The following TTN variants were observed in gnomAD, a reference collection of about 807,000 sequenced individuals.
TTN encodes the protein connectin.
In TTN, 1,525 loss-of-function variants were observed where a neutral mutation model predicts 3,223.0. The observed-to-expected ratio is 0.47, with a 90% confidence interval of 0.45 to 0.49. TTN has a LOEUF of 0.49. Ranked by LOEUF, TTN falls within the 20% of genes least tolerant of loss-of-function variation. The pLI is 0.00. For missense variants in TTN, 40,786 were observed against 43,424.0 expected (o/e 0.94, Z 5.40); for synonymous variants, 14,094 against 15,161.0 (o/e 0.93, Z 5.17).
Position 178,530,017 on chromosome 2 carries a change from A to C in TTN, c.106474T>G (p.Cys35492Gly). 6.2e-7 allele frequency: 1 copy of C among 1,608,564 alleles called. No homozygotes were observed. The highest frequency in any genetic ancestry group is 8.5e-7 in the Non-Finnish European group (1 of 1,178,668). ...TDTSDSGLYT[C>G]TVKNSAGSVS... is the part of the protein sequence containing the mutation. The stretch of plus-strand genomic sequence containing the variant: ...GATCCAGCTGAATTTTTTACTGTAC[A>C]AGTATAAAGTCCACTGTCAGAAGTA... The change falls in exon 359 of 363, where the codon TGT becomes GGT. Residue 35492 changes from cysteine to glycine, a missense_variant. By Grantham distance (159) the Cys-to-Gly change is radical. Coordinates refer to ENST00000589042, the MANE Select transcript of TTN (RefSeq NM_001267550.2).
In TTN at chr2:178,689,390, G is replaced by C; in HGVS notation, c.31928-17C>G. The C allele has an allele frequency of 6.2e-7, 1 of 1,612,936 alleles. No individual in the cohort carries two copies. The highest frequency in any genetic ancestry group is 8.5e-7 in the Non-Finnish European group (1 of 1,179,512). ...TTTCTGGCACTTAAAGGATAGTATTGAATTTTAAAATTTGTCAAAAAGGCC... is the reference window on the plus strand; with the variant it reads ...TTTCTGGCACTTAAAGGATAGTATTCAATTTTAAAATTTGTCAAAAAGGCC... On this transcript the variant is annotated splice_polypyrimidine_tract_variant and intron_variant, in intron 123 of 362. Transcript: ENST00000589042.
In TTN at chr2:178,780,216, AG is replaced by A. The variant is rs1450600737; in HGVS notation, c.3524-12del. ...GTAACTCATAATCAGCTAAGAGTTA[AG>A]AACATCAGTTAATTTTTAATGCTCT... On this transcript the variant is annotated splice_polypyrimidine_tract_variant and intron_variant, in intron 21 of 362. Coordinates refer to ENST00000589042, the MANE Select transcript of TTN (RefSeq NM_001267550.2). 6.2e-7 allele frequency: 1 copy of A among 1,602,406 alleles called. No individual in the cohort carries two copies.
intron 73 of TTN, 50 bp from the exon 74 acceptor site, chr2:178,723,746 G>C (rs767858204): frequency 1.3e-6 from 2 of 1,528,732 alleles, no homozygotes; most frequent in East Asian, 4.5e-5. Context: ...TTCAGATGGA[G>C]TTGCAATTTT....
Position 178,536,926 on chromosome 2 carries a change from AGTT to A in TTN, c.100171+9_100171+11del, listed in dbSNP as rs1448467408. 9 of 1,580,186 alleles carry A rather than the reference AGTT, an allele frequency of 5.7e-6. No individual in the cohort carries two copies. The East Asian group carries it at 2.0e-4, about 36-fold the overall frequency. ...TTACCATAGGAAGATACAGAAATCA[AGTT>A]GTACTCACCAAATGGACTCTTAATG... is the stretch of plus-strand genomic sequence containing the variant. On this transcript the variant is annotated intron_variant, in intron 356 of 362. Coordinates refer to ENST00000589042, the MANE Select transcript of TTN (RefSeq NM_001267550.2).
In TTN at chr2:178,544,064, C is replaced by A. The variant is rs748483895; in HGVS notation, c.96080G>T (p.Arg32027Met). 2 of 1,613,520 alleles carry A rather than the reference C, an allele frequency of 1.2e-6. No homozygotes were observed. The highest frequency in any genetic ancestry group is 2.2e-5 in the South Asian group (2 of 91,050). Reference protein sequence around the residue: ...ADDLKKTVTIRAGASLRLMVS... With the variant: ...ADDLKKTVTIMAGASLRLMVS... ...CATCAAGCGCAAGGAGGCCCCAGCCCTGATGGTCACAGTCTTCTTTAGATC... is the reference window on the plus strand; with the variant it reads ...CATCAAGCGCAAGGAGGCCCCAGCCATGATGGTCACAGTCTTCTTTAGATC... Residue 32027 changes from arginine (R) to methionine (M), a missense_variant, in exon 346 of 363, where the codon AGG becomes ATG. Transcript: ENST00000589042.
Position 178,694,658 on chromosome 2 carries a change from T to C in TTN, c.31367A>G (p.Lys10456Arg). 1.9e-6 allele frequency: 3 copies of C among 1,555,390 alleles called. No individual in the cohort carries two copies. In the South Asian group the frequency reaches 3.6e-5, roughly 19 times the overall value. ...CCGGGAAGGTTTTTGTGGAACAATC[T>C]TCTTTGAAACTTCAGGTACTTTAAA... ...QVTKVPEVSK[K>R]IVPQKPSRTP... Residue 10456 changes from lysine to arginine, a missense_variant, in exon 117 of 363, where the codon AAG (lysine) becomes AGG (arginine). Transcript: ENST00000589042.
At chr2:178,615,094 C>T in intron 259 of TTN, 126 bp from the exon 260 acceptor site, 1 of 1,012,740 alleles carries the variant, frequency 9.9e-7, no homozygotes, top group Non-Finnish European at 1.4e-6. Context: ...ACCTGGATTA[C>T]TTCAACACTA....
rs61060584 is a variant in TTN at position 178,677,335 on chromosome 2, CATATATATAT to C, written c.34292-58_34292-49del. The stretch of plus-strand genomic sequence containing the variant: ...GCATTAAAAACCACATATACATGGT[CATATATATAT>C]ATATATATATATATATGAAAGAGAC... On this transcript the variant is annotated intron_variant, in intron 146 of 362. Transcript: ENST00000589042. The C allele has an allele frequency of 3.4e-4, 85 of 251,860 alleles. 6 individuals carry two copies. Among genetic ancestry groups the C allele is most frequent in the South Asian group, 1.2e-3 (5 of 4,150 alleles). The allele number at this position is 251,860 out of a possible 1,614,324, so 15.6% of individuals were successfully genotyped here. A position where few individuals can be genotyped will look rare whatever the true frequency, so the allele number is the denominator to read the frequency against.
In TTN at chr2:178,711,590, G is replaced by T. The variant is rs897796146; in HGVS notation, c.27887-241C>A. On this transcript the variant is annotated intron_variant, in intron 96 of 362. Coordinates refer to ENST00000589042, the MANE Select transcript of TTN (RefSeq NM_001267550.2). ...AGTATGAAAACCAATAAAGCAATTG[G>T]TTGGCTGAAGGCATGTCTCTGGGCA... 3.9e-5 allele frequency among the ~76,000 whole-genome samples: 6 copies of T among 152,150 alleles called. No homozygotes were observed. The East Asian group carries it at 1.2e-3, about 29-fold the overall frequency.
chr2:178,674,510 T>C (rs2154266520), intron 150 of TTN, 101 bp from the exon 151 acceptor site: 1 of 657,892 alleles, frequency 1.5e-6, no homozygotes, highest in Non-Finnish European at 2.4e-6. Context: ...GAAACGCTTG[T>C]GTAAACTCAC....
At chr2:178,760,065 A>G (rs1226662920) in intron 43 of TTN, among the ~76,000 whole-genome samples, 1 of 152,236 alleles carries the variant, frequency 6.6e-6, no homozygotes, top group African/African-American at 2.4e-5. Flanking sequence ...TCTCAAAACC[A>G]TCCAAGATGA....
intron 330 of TTN, chr2:178,555,563 T>C (rs901238446): frequency 2.3e-5 from 4 of 177,136 alleles, no homozygotes; most frequent in Non-Finnish European, 4.6e-5. Context: ...GTGTGGATGG[T>C]TCATGTCAGA....
Position 178,733,104 on chromosome 2 carries a change from A to G in TTN, c.16072T>C (p.Phe5358Leu). The G allele has an allele frequency of 1.3e-6, 2 of 1,596,204 alleles. No homozygotes were observed. Among genetic ancestry groups the G allele is most frequent in the South Asian group, 1.1e-5 (1 of 88,278 alleles). The part of the protein sequence containing the change: ...FTVLDRDIAP[F>L]FTKPLRNVDS... The stretch of plus-strand genomic sequence containing the variant: ...ACGTTGCGCAAGGGTTTGGTAAAAA[A>G]TGGAGCAATGTCTCGATCTGTGTGT... Residue 5358 changes from phenylalanine to leucine, a missense_variant, in exon 55 of 363, where the codon TTT (phenylalanine) becomes CTT (leucine). Physicochemically the swap from Phe to Leu is conservative, Grantham distance 22. Transcript: ENST00000589042.
chr2:178,784,211 C>T lies in TTN; in HGVS notation c.2634G>A (p.Leu878=). 2 of 1,614,182 alleles carry T rather than the reference C, an allele frequency of 1.2e-6. No individual in the cohort carries two copies. The highest frequency in any genetic ancestry group is 1.7e-6 in the Non-Finnish European group (2 of 1,180,014). ...GTGTGTCAGCGAAGGGGAACTGTGGCAAGGGTGTGGGCTCTGCCCTTACTC... is the reference window on the plus strand; with the variant it reads ...GTGTGTCAGCGAAGGGGAACTGTGGTAAGGGTGTGGGCTCTGCCCTTACTC... ...ETRVRAEPTP[L]PQFPFADTPD... The change falls in exon 16 of 363, where the codon TTG becomes TTA. Residue 878 remains leucine (L), a synonymous_variant. Coordinates refer to ENST00000589042, the MANE Select transcript of TTN (RefSeq NM_001267550.2).
At chr2:178,749,009 T>G in intron 47 of TTN, 1 of 1,612,544 alleles carries the variant, frequency 6.2e-7, no homozygotes. Context: ...ATGTAATTTT[T>G]CAAATTCGAT....
At position 178,807,411 on chromosome 2, in the gene TTN, T is replaced by G. The variant is rs2094358672; in HGVS notation, c.-213A>C. 6.6e-6 allele frequency: 1 copy of G among 152,224 alleles called. No homozygotes were observed. The highest frequency in any genetic ancestry group is 2.4e-5 in the African/African-American group (1 of 41,460). The allele number at this position is 152,224 out of a possible 1,614,324, so 9.4% of individuals were successfully genotyped here. A position where few individuals can be genotyped will look rare whatever the true frequency, so the allele number is the denominator to read the frequency against. ...CCTACACCCGAGGCGAGGCTGGGAA[T>G]GCACGACTGCTCAAGAGCCAGGGTC... On this transcript the variant is annotated 5_prime_UTR_variant, in exon 1 of 363. Coordinates refer to ENST00000589042, the MANE Select transcript of TTN (RefSeq NM_001267550.2).
chr2:178,575,978 A>G lies in TTN; in HGVS notation c.70154T>C (p.Leu23385Pro), dbSNP rs747995899. ...ATTTTCAATGTTGGCTCGGTTTTTCAGGTTGATGTTATCTTTGGTCCATGT... is the reference window on the plus strand; with the variant it reads ...ATTTTCAATGTTGGCTCGGTTTTTCGGGTTGATGTTATCTTTGGTCCATGT... ...EVTWTKDNIN[L>P]KNRANIENTE... Residue 23385 changes from leucine to proline, a missense_variant, in exon 326 of 363, where the codon CTG becomes CCG. Physicochemically the swap from Leu to Pro is moderately conservative, Grantham distance 98. Transcript: ENST00000589042. This position sits in a 1 kb window ranked among gnomAD's most constrained non-coding sequence, Gnocchi z 4.0. The G allele has an allele frequency of 2.5e-6, 4 of 1,611,386 alleles. No homozygotes were observed. The South Asian group carries it at 4.4e-5, about 18-fold the overall frequency.
chr2:178,533,299 G>A lies in TTN; in HGVS notation c.103316C>T (p.Thr34439Ile). ...EDTGYYRVTA[T>I]NTAGSTSCQA... ...GCAGCTGGTGGACCCAGCTGTGTTA[G>A]TGGCTGTGACTCTATAATAACCCGT... Residue 34439 changes from threonine (T) to isoleucine (I), a missense_variant, in exon 358 of 363, where the codon ACT (threonine) becomes ATT (isoleucine). By Grantham distance (89) the Thr-to-Ile change is moderately conservative (BLOSUM62 -1). Coordinates refer to ENST00000589042, the MANE Select transcript of TTN (RefSeq NM_001267550.2). The A allele has an allele frequency of 6.2e-7, 1 of 1,613,956 alleles. No individual in the cohort carries two copies. Among genetic ancestry groups the A allele is most frequent in the Non-Finnish European group, 8.5e-7 (1 of 1,179,876 alleles).
Position 178,570,622 on chromosome 2 carries a change from A to G in TTN, c.75510T>C (p.Ser25170=), listed in dbSNP as rs775835843. 4 of 1,613,430 alleles carry G rather than the reference A, an allele frequency of 2.5e-6. No homozygotes were observed. The highest frequency in any genetic ancestry group is 1.7e-5 in the Admixed American group (1 of 59,966). The part of the protein sequence containing the change: ...IKSTDFATSL[S]VKDAVRVDSG... ...TGTCGACACGTACTGCATCTTTTAC[A>G]CTGAGACTGGTGGCAAAGTCGGTGC... Residue 25170 remains serine (S), a synonymous_variant, in exon 326 of 363, where the codon AGT becomes AGC. Coordinates refer to ENST00000589042, the MANE Select transcript of TTN (RefSeq NM_001267550.2).
Sources: allele counts gnomAD v4.1 joint callset (sites outside exome capture counted in the v4.1 genomes callset), GRCh38; gene constraint gnomAD v4.1.1; non-coding constraint Gnocchi (gnomAD v3.1); transcripts MANE v1.5; gene names NCBI Gene and HGNC (gene_info 2026-07-23, HGNC 2026-07-21).